Variants in PARD3B observed in about 807,000 individuals in gnomAD.
PARD3B encodes par-3 family cell polarity regulator beta.
Under a neutral mutation model 130.2 loss-of-function variants are expected in PARD3B, and 103 were observed. The observed-to-expected ratio is 0.79, with a 90% CI of 0.67 to 0.93. The LOEUF is 0.93. Among genes scored for constraint, PARD3B ranks in the 40% least tolerant of loss-of-function variants. The pLI is 0.00. For synonymous variants in PARD3B, 583 were observed against 553.2 expected, an observed-to-expected ratio of 1.05 and a Z score of -0.76; for missense variants, 1,609 against 1,499.2, an observed-to-expected ratio of 1.07 and a Z score of -1.21.
At chr2:204,884,307 C>T (rs2046191585) in intron 2 of PARD3B, among the ~76,000 whole-genome samples, 1 of 152,054 alleles carries the variant, frequency 6.6e-6, no homozygotes, top group South Asian at 2.1e-4. Flanking sequence ...AAAGGAAAAG[C>T]TTTATAATTT....
At chr2:205,472,609 G>A (rs1378763766) in intron 20 of PARD3B, among the ~76,000 whole-genome samples, 6 of 152,070 alleles carry the variant, frequency 3.9e-5, no homozygotes, top group Non-Finnish European at 8.8e-5. Flanking sequence ...AATTCCCAAA[G>A]AATAATACTT....
At chr2:204,918,444 A>G (rs954137897) in intron 2 of PARD3B, among the ~76,000 whole-genome samples, 1 of 151,784 alleles carries the variant, frequency 6.6e-6, no homozygotes, top group African/African-American at 2.4e-5. Context: ...TCCCGGCTAA[A>G]ACGGTGAAAC....
Position 205,473,705 on chromosome 2 carries a change from TATATAC to T in PARD3B, c.3045-26189_3045-26184del, listed in dbSNP as rs879307623. On this transcript the variant is annotated intron_variant, in intron 20 of 22. Transcript: ENST00000406610. The surrounding 1 kb of genome is among the most constrained non-coding windows in gnomAD (Gnocchi z 4.9). ...GTATGTATATATATATATATATATATATATACACACACACGTATATAAAACCCTAAA... is the reference window on the plus strand; with the variant it reads ...GTATGTATATATATATATATATATATACACACACGTATATAAAACCCTAAA... Among the ~76,000 whole-genome samples the T allele has an allele frequency of 0.067, 8,403 of 124,890 alleles. 304 individuals are homozygous for T. Among genetic ancestry groups the T allele is most frequent in the African/African-American group, 0.15 (3,445 of 22,992 alleles). The allele number at this position is 124,890 out of a possible 152,430, so 81.9% of individuals were successfully genotyped here.
intron 3 of PARD3B, among the ~76,000 whole-genome samples, chr2:204,977,992 C>T (rs917821885): frequency 6.6e-6 from 1 of 152,028 alleles, no homozygotes; most frequent in Non-Finnish European, 1.5e-5. Flanking sequence ...CTGAAGCTGG[C>T]AGAGAGAGAA....
At chr2:205,209,297 G>A (rs2037493993) in intron 15 of PARD3B, among the ~76,000 whole-genome samples, 1 of 151,046 alleles carries the variant, frequency 6.6e-6, no homozygotes. Flanking sequence ...TACCATTCAG[G>A]ACATAGGCAT....
intron 20 of PARD3B, among the ~76,000 whole-genome samples, chr2:205,493,224 C>T (rs1226439318): frequency 6.6e-6 from 1 of 151,910 alleles, no homozygotes; most frequent in Non-Finnish European, 1.5e-5. Context: ...AAAAATCTGC[C>T]CTGTTTTCTA....
chr2:205,346,821 T>A (rs1025120845), intron 18 of PARD3B, among the ~76,000 whole-genome samples: 9 of 152,238 alleles, frequency 5.9e-5, no homozygotes, highest in African/African-American at 2.2e-4. Flanking sequence ...AATGACTATG[T>A]GTTGATGACT....
At chr2:205,502,623 A>G (rs116072975) in intron 21 of PARD3B, among the ~76,000 whole-genome samples, 5,835 of 152,116 alleles carry the variant, frequency 0.038, 192 homozygotes, top group South Asian at 0.13. Flanking sequence ...GAGTCATTCT[A>G]TACTGGGGAA....
At chr2:204,737,581 TTAATTTGGTTCCA>T (rs1295923167) in intron 2 of PARD3B, among the ~76,000 whole-genome samples, 7 of 152,220 alleles carry the variant, frequency 4.6e-5, no homozygotes, top group African/African-American at 1.7e-4. Context: ...GCTTTTTAGC[TTAATTTGGTTCCA>T]TTTATTTGTT....
rs183691779 is a variant in PARD3B, at chr2:204,794,508, A to C, written c.222+108226A>C. On this transcript the variant is annotated intron_variant, in intron 2 of 22. Coordinates refer to ENST00000406610, the MANE Select transcript of PARD3B (RefSeq NM_001302769.2). The stretch of plus-strand genomic sequence containing the variant: ...TAGTATTTGCTGATTACCGTGGTGG[A>C]AACACTTTGACGTGGACAATTCCAG... 2.0e-3 allele frequency among the ~76,000 whole-genome samples: 302 copies of C among 152,180 alleles called. 5 individuals are homozygous for C. The highest frequency in any genetic ancestry group is 0.015 in the Admixed American group (236 of 15,292).
At chr2:204,557,703 CTTGA>C (rs2031019815) in intron 1 of PARD3B, among the ~76,000 whole-genome samples, 1 of 152,188 alleles carries the variant, frequency 6.6e-6, no homozygotes, top group African/African-American at 2.4e-5. Flanking sequence ...CAACTTTTCT[CTTGA>C]TTATCTTGAA....
chr2:205,508,578 A>G (rs1260523433), intron 21 of PARD3B, among the ~76,000 whole-genome samples: 4 of 146,156 alleles, frequency 2.7e-5, no homozygotes, highest in African/African-American at 9.9e-5. Context: ...TCTCCAAGAA[A>G]AAAAAAAAAA....
rs573426457 is a variant in PARD3B at position 205,142,949 on chromosome 2, C to T, written c.1435-15773C>T. Reference sequence around the variant, plus strand: ...GGCAAATAATTGTAAGAAAGTGATGCGAATCATCAGAATGGGAAAACATAA... The same window carrying T: ...GGCAAATAATTGTAAGAAAGTGATGTGAATCATCAGAATGGGAAAACATAA... On this transcript the variant is annotated intron_variant, in intron 10 of 22. Transcript: ENST00000406610. The surrounding 1 kb of genome is among the most constrained non-coding windows in gnomAD (Gnocchi z 4.3). 1.3e-5 allele frequency among the ~76,000 whole-genome samples: 2 copies of T among 151,674 alleles called. No homozygotes were observed. Among genetic ancestry groups the T allele is most frequent in the Middle Eastern group, 3.4e-3 (1 of 294 alleles).
intron 2 of PARD3B, among the ~76,000 whole-genome samples, chr2:204,843,084 G>C (rs1417903684): frequency 6.6e-6 from 1 of 152,024 alleles, no homozygotes; most frequent in Non-Finnish European, 1.5e-5. Context: ...GAGCCCCGAG[G>C]ATCTGTATTT....
chr2:204,589,444 G>C (rs2032981065), intron 1 of PARD3B, among the ~76,000 whole-genome samples: 1 of 152,230 alleles, frequency 6.6e-6, no homozygotes, highest in African/African-American at 2.4e-5. Context: ...CTGGGAGCCA[G>C]TATGGACTTT....
At chr2:205,327,191 T>C (rs1467989015) in intron 18 of PARD3B, among the ~76,000 whole-genome samples, 2 of 152,228 alleles carry the variant, frequency 1.3e-5, no homozygotes, top group African/African-American at 4.8e-5. Flanking sequence ...TTCTATGCTG[T>C]TGCTCATTTC....
rs1377608289 is a variant in PARD3B at position 204,950,351 on chromosome 2, A to G, written c.223-14801A>G. Among the ~76,000 whole-genome samples, 3 of 152,232 alleles carry G rather than the reference A, an allele frequency of 2.0e-5. No homozygotes were observed. In the East Asian group the frequency reaches 5.8e-4, roughly 29 times the overall value. ...TACTTTTCTTTATTGTATAGATGAA[A>G]TTGAAGCTCAGAGAAGCTAAATAAC... On this transcript the variant is annotated intron_variant, in intron 2 of 22. Coordinates refer to ENST00000406610, the MANE Select transcript of PARD3B (RefSeq NM_001302769.2).
At chr2:205,024,162 CTTTTTT>C (rs1172893472) in intron 3 of PARD3B, among the ~76,000 whole-genome samples, 1,635 of 98,738 alleles carry the variant, frequency 0.017, 29 homozygotes, top group African/African-American at 0.059. Context: ...TTCTTTCTTT[CTTTTTT>C]TTTTTTTTTT....
At chr2:204,556,681 A>C (rs2030943899) in intron 1 of PARD3B, among the ~76,000 whole-genome samples, 1 of 152,198 alleles carries the variant, frequency 6.6e-6, no homozygotes, top group Admixed American at 6.6e-5. Context: ...TGCTGCCCTA[A>C]GGGATTTTCA....
Sources: gnomAD v4.1 joint callset for allele counts (sites outside exome capture counted in the v4.1 genomes callset) on GRCh38, gnomAD v4.1.1 for gene constraint, Gnocchi (gnomAD v3.1) non-coding constraint, MANE v1.5 for transcripts, NCBI Gene and HGNC (gene_info 2026-07-23, HGNC 2026-07-21) for gene names.